MROH1: variants seen among roughly 807,000 people sequenced by gnomAD.
The protein encoded by MROH1 is maestro heat-like repeat-containing protein family member 1.
Under a neutral mutation model 116.5 loss-of-function variants are expected in MROH1, and 117 were observed. The ratio of observed to expected loss-of-function variants is 1.00; its 90% CI spans 0.86 to 1.17. The LOEUF (loss-of-function observed/expected upper bound fraction) is 1.17, where lower values mean the gene tolerates loss of function less well. Ranked by LOEUF, MROH1 falls within the 50% of genes most tolerant of loss-of-function variation. MROH1 has a pLI of 0.00. For synonymous variants in MROH1, 921 were observed against 583.9 expected (o/e 1.58, Z -8.32); for missense variants, 1,873 against 1,338.5 (o/e 1.40, Z -6.23).
rs1361782728 is a variant in MROH1, at chr8:144,200,513, G to A, written c.1113G>A (p.Gln371=). 1.3e-6 allele frequency: 2 copies of A among 1,551,340 alleles called. No individual in the cohort carries two copies. Among genetic ancestry groups the A allele is most frequent in the South Asian group, 2.4e-5 (2 of 84,062 alleles). Reference sequence around the variant, plus strand: ...AGAGGACCCGCGTGGGCACCCTGCAGGTGGTCAGACATGTCATCAACTCAG... The same window carrying A: ...AGAGGACCCGCGTGGGCACCCTGCAAGTGGTCAGACATGTCATCAACTCAG... ...SNERTRVGTL[Q]VVRHVINSAA... Residue 371 remains glutamine, a synonymous_variant, in exon 12 of 44, where the codon CAG becomes CAA. Coordinates refer to ENST00000326134, the MANE Select transcript of MROH1 (RefSeq NM_032450.3).
chr8:144,253,818 A>G (rs1843234235), intron 33 of MROH1, among the ~76,000 whole-genome samples: 1 of 152,000 alleles, frequency 6.6e-6, no homozygotes, highest in African/African-American at 2.4e-5. Flanking sequence ...CAGGTGTGTG[A>G]CAGCACATCA....
At chr8:144,241,355 C>T (rs900332513) in intron 21 of MROH1, 40 bp from the exon 22 acceptor site, 56 of 743,004 alleles carry the variant, frequency 7.5e-5, no homozygotes, top group South Asian at 2.1e-4. Context: ...TGTGGCAGTG[C>T]GTGCTCTTCC....
intron 24 of MROH1, among the ~76,000 whole-genome samples, chr8:144,242,898 C>T (rs1229618691): frequency 3.3e-5 from 5 of 152,208 alleles, no homozygotes; most frequent in Non-Finnish European, 5.9e-5. Context: ...CAGCCCCACC[C>T]GTCCCAGGAC....
At chr8:144,198,034 A>G (rs1283714524) in intron 10 of MROH1, among the ~76,000 whole-genome samples, 1 of 143,070 alleles carries the variant, frequency 7.0e-6, no homozygotes, top group Non-Finnish European at 1.5e-5. Flanking sequence ...GGGCAACAAG[A>G]GCAAAACTGT....
In MROH1 at chr8:144,180,630, AGGG is replaced by A; in HGVS notation, c.562+111_562+113del. Reference sequence around the variant, plus strand: ...CAGGTGGGCACTTTAGGCTGCAGGAAGGGGGGCTGTTGGAGGGAGGGGCCCCCT... The same window carrying A: ...CAGGTGGGCACTTTAGGCTGCAGGAAGGGCTGTTGGAGGGAGGGGCCCCCT... On this transcript the variant is annotated intron_variant, in intron 7 of 43. Coordinates refer to ENST00000326134, the MANE Select transcript of MROH1 (RefSeq NM_032450.3). This position sits in a 1 kb window ranked among gnomAD's most constrained non-coding sequence, Gnocchi z 7.4. The A allele has an allele frequency of 9.5e-7, 1 of 1,056,610 alleles. No homozygotes were observed. The highest frequency in any genetic ancestry group is 1.7e-5 in the South Asian group (1 of 59,730). 65.5% of individuals were successfully genotyped at this position (1,056,610 alleles called of 1,614,324 possible).
At chr8:144,184,411 C>A (rs561094962) in intron 7 of MROH1, among the ~76,000 whole-genome samples, 2 of 152,272 alleles carry the variant, frequency 1.3e-5, no homozygotes, top group South Asian at 4.1e-4. Context: ...ACAAAGCACA[C>A]ACGTCAGCAC....
At chr8:144,191,654 T>G in intron 8 of MROH1, 61 bp from the exon 9 acceptor site, 1 of 1,589,308 alleles carries the variant, frequency 6.3e-7, no homozygotes, top group Non-Finnish European at 8.6e-7. Context: ...TTGCTGGACA[T>G]GCTCTGAGCA....
intron 12 of MROH1, among the ~76,000 whole-genome samples, chr8:144,207,711 GATT>G (rs1028354994): frequency 2.6e-5 from 4 of 152,076 alleles, no homozygotes; most frequent in African/African-American, 9.7e-5. Context: ...GTTTTATTAT[GATT>G]ATTTTGTAGT....
At chr8:144,185,818 C>T (rs1489934672) in intron 7 of MROH1, among the ~76,000 whole-genome samples, 14 of 87,784 alleles carry the variant, frequency 1.6e-4, no homozygotes, top group African/African-American at 6.7e-4. Context: ...GCAGGGACCT[C>T]GAGGGGACGT....
At chr8:144,212,906 C>T in intron 12 of MROH1, 1 of 698,202 alleles carries the variant, frequency 1.4e-6, no homozygotes, top group South Asian at 1.5e-5. Context: ...TCTGTTACGT[C>T]TCTATCTCTG....
At chr8:144,255,005 G>C (rs1843443482) in intron 34 of MROH1, 27 bp downstream of exon 34, 3 of 732,980 alleles carry the variant, frequency 4.1e-6, no homozygotes, top group Admixed American at 3.8e-5. Context: ...GGGCCACCTT[G>C]ACACGCTGTC....
At chr8:144,241,196 GC>G (rs1223564403) in intron 21 of MROH1, 85 bp downstream of exon 21, 2 of 706,408 alleles carry the variant, frequency 2.8e-6, no homozygotes, top group Non-Finnish European at 5.3e-6. Context: ...CAGCTGGCTA[GC>G]CTGTGTGCCT....
chr8:144,223,012 G>A lies in MROH1; in HGVS notation c.1216-96G>A, dbSNP rs1038762679. 3.2e-6 allele frequency: 5 copies of A among 1,540,748 alleles called. No homozygotes were observed. The African/African-American group carries it at 6.8e-5, about 21-fold the overall frequency. ...TGCAGTTGTGGGCACATGTGTGGAT[G>A]TGGGTGGGAGGAAGACTGAGGTTCC... On this transcript the variant is annotated intron_variant, in intron 13 of 43. Coordinates refer to ENST00000326134, the MANE Select transcript of MROH1 (RefSeq NM_032450.3).
At chr8:144,224,088 C>T (rs1248200196) in intron 14 of MROH1, among the ~76,000 whole-genome samples, 1 of 152,176 alleles carries the variant, frequency 6.6e-6, no homozygotes, top group Non-Finnish European at 1.5e-5. Flanking sequence ...GGCAGCTCCA[C>T]GGGTCGTTAG....
intron 35 of MROH1, among the ~76,000 whole-genome samples, chr8:144,256,861 T>C (rs1468112359): frequency 4.6e-5 from 7 of 152,386 alleles, no homozygotes; most frequent in African/African-American, 1.7e-4. Flanking sequence ...TTGCTGTGCC[T>C]GCGCCATTTG....
In MROH1 at chr8:144,239,046, A is replaced by G; in HGVS notation, c.1458A>G (p.Pro486=). ...CTCTGCTCCCCTAGGTCCTCTGGCC[A>G]TACCTGCTCCAGTTCCTCACCCCTG... ...TVDRMSHVLW[P]YLLQFLTPVR... is the part of the protein sequence containing the mutation. The change falls in exon 16 of 44, where the codon CCA becomes CCG. Residue 486 remains proline (P), a synonymous_variant. Transcript: ENST00000326134. 1.3e-6 allele frequency: 1 copy of G among 778,268 alleles called. No individual in the cohort carries two copies. Among genetic ancestry groups the G allele is most frequent in the Non-Finnish European group, 2.4e-6 (1 of 417,766 alleles). The allele number at this position is 778,268 out of a possible 1,614,324, so 48.2% of individuals were successfully genotyped here.
intron 12 of MROH1, among the ~76,000 whole-genome samples, chr8:144,214,739 T>C (rs561757889): frequency 2.6e-4 from 40 of 152,298 alleles, no homozygotes; most frequent in African/African-American, 9.6e-4. Context: ...CATTTTTCTA[T>C]TGGGTTGTTC....
chr8:144,219,631 G>A (rs942600032), intron 12 of MROH1, among the ~76,000 whole-genome samples: 18 of 152,126 alleles, frequency 1.2e-4, no homozygotes, highest in Admixed American at 1.2e-3. Flanking sequence ...GGCTGGAGTC[G>A]CCCCAGACGT....
chr8:144,257,051 T>G (rs1385245761), intron 35 of MROH1, among the ~76,000 whole-genome samples: 3 of 152,100 alleles, frequency 2.0e-5, no homozygotes, highest in Non-Finnish European at 2.9e-5. Flanking sequence ...TCCCTCCGCC[T>G]GCGGCTGGCC....
Sources: allele counts gnomAD v4.1 joint callset (sites outside exome capture counted in the v4.1 genomes callset), GRCh38; gene constraint gnomAD v4.1.1; non-coding constraint Gnocchi (gnomAD v3.1); transcripts MANE v1.5; gene names NCBI Gene and HGNC (gene_info 2026-07-23, HGNC 2026-07-21).